BMPR2: variants seen among roughly 807,000 people sequenced by gnomAD.
BMPR2 encodes the protein bone morphogenetic protein receptor type 2.
Under a neutral mutation model 100.8 loss-of-function variants are expected in BMPR2, and 29 were observed. The ratio of observed to expected loss-of-function variants is 0.29; its 90% CI spans 0.21 to 0.39. The LOEUF is 0.39. Among genes scored for constraint, BMPR2 ranks in the 10% least tolerant of loss-of-function variants. BMPR2 has a pLI of 1.00. For synonymous variants in BMPR2, 382 were observed against 442.3 expected (o/e 0.86, Z 1.71); for missense variants, 1,011 against 1,274.5 (o/e 0.79, Z 3.15).
chr2:202,385,778 T>C (rs1459390518), intron 1 of BMPR2, among the ~76,000 whole-genome samples: 1 of 152,046 alleles, frequency 6.6e-6, no homozygotes. Context: ...TCTTAATAAC[T>C]ATCATTTTTT....
intron 3 of BMPR2, among the ~76,000 whole-genome samples, chr2:202,485,066 A>G (rs1692746114): frequency 6.6e-6 from 1 of 151,828 alleles, no homozygotes; most frequent in East Asian, 1.9e-4. Context: ...GGCTCAAGCA[A>G]TCCTCCCGAC....
At chr2:202,396,689 T>G (rs1308720495) in intron 1 of BMPR2, among the ~76,000 whole-genome samples, 5 of 152,230 alleles carry the variant, frequency 3.3e-5, no homozygotes, top group Admixed American at 1.3e-4. Context: ...GTGATATACA[T>G]GGTACATCAG....
chr2:202,446,090 A>G lies in BMPR2; in HGVS notation c.77-18719A>G, dbSNP rs368066732. Among the ~76,000 whole-genome samples the G allele has an allele frequency of 1.2e-4, 18 of 150,614 alleles. No homozygotes were observed. The East Asian group carries it at 2.5e-3, about 21-fold the overall frequency. On this transcript the variant is annotated intron_variant, in intron 1 of 12. Coordinates refer to ENST00000374580, the MANE Select transcript of BMPR2 (RefSeq NM_001204.7). The stretch of plus-strand genomic sequence containing the variant: ...CGCCCGGCCACAAACAATTTTATAC[A>G]AAGAATTTGAAATTTGAAAATTAAC...
chr2:202,477,184 C>T (rs1184691481), intron 3 of BMPR2, among the ~76,000 whole-genome samples: 1 of 152,112 alleles, frequency 6.6e-6, no homozygotes, highest in African/African-American at 2.4e-5. Context: ...TTAGATTAAA[C>T]AAGATAATAC....
intron 1 of BMPR2, among the ~76,000 whole-genome samples, chr2:202,460,238 G>A (rs559660501): frequency 2.0e-5 from 3 of 152,124 alleles, no homozygotes; most frequent in Non-Finnish European, 2.9e-5. Flanking sequence ...TAACAAAGAC[G>A]TAGAATCAAT....
At chr2:202,494,375 G>A (rs759268150) in intron 3 of BMPR2, among the ~76,000 whole-genome samples, 21 of 152,204 alleles carry the variant, frequency 1.4e-4, no homozygotes, top group Non-Finnish European at 2.2e-4. Context: ...TGCTGCACAT[G>A]TTACAATGTT....
At chr2:202,483,663 T>C (rs932020155) in intron 3 of BMPR2, among the ~76,000 whole-genome samples, 1 of 152,166 alleles carries the variant, frequency 6.6e-6, no homozygotes, top group Non-Finnish European at 1.5e-5. Flanking sequence ...CCTCCCAAAG[T>C]GCTGGGATCT....
Position 202,376,551 on chromosome 2 carries a change from A to G in BMPR2, c.-924A>G, listed in dbSNP as rs1231549120. On this transcript the variant is annotated 5_prime_UTR_variant, in exon 1 of 13. Transcript: ENST00000374580. Reference sequence around the variant, plus strand: ...CGGCGGCGGCGGCGGCGGCGGCAGCAGCAGCGGCTTCCTCGGGGGGTTGTG... The same window carrying G: ...CGGCGGCGGCGGCGGCGGCGGCAGCGGCAGCGGCTTCCTCGGGGGGTTGTG... Among the ~76,000 whole-genome samples the G allele has an allele frequency of 4.8e-3, 617 of 127,596 alleles. 2 individuals carry two copies. Among genetic ancestry groups the G allele is most frequent in the African/African-American group, 0.015 (534 of 35,832 alleles). 83.7% of individuals were successfully genotyped at this position (127,596 alleles called of 152,430 possible).
intron 1 of BMPR2, among the ~76,000 whole-genome samples, chr2:202,439,492 C>T (rs1198582784): frequency 2.0e-5 from 3 of 149,166 alleles, no homozygotes; most frequent in Non-Finnish European, 4.4e-5. Flanking sequence ...TTGCAGAATA[C>T]AAGACCATGC....
chr2:202,436,314 C>G (rs1691614074), intron 1 of BMPR2, among the ~76,000 whole-genome samples: 1 of 149,718 alleles, frequency 6.7e-6, no homozygotes, highest in Non-Finnish European at 1.5e-5. Flanking sequence ...GGCATGATAG[C>G]CTGCGCCTGT....
At chr2:202,446,476 C>T (rs1461511475) in intron 1 of BMPR2, among the ~76,000 whole-genome samples, 1 of 150,398 alleles carries the variant, frequency 6.6e-6, no homozygotes. Flanking sequence ...TTTAGCTCTA[C>T]AATTTTATGT....
At chr2:202,535,577 C>T (rs970796642) in intron 9 of BMPR2, among the ~76,000 whole-genome samples, 6 of 151,022 alleles carry the variant, frequency 4.0e-5, no homozygotes, top group East Asian at 2.0e-4. Flanking sequence ...GGCGGCCGGG[C>T]GGAGACGCTC....
At chr2:202,418,276 A>G (rs1174701862) in intron 1 of BMPR2, among the ~76,000 whole-genome samples, 1 of 152,202 alleles carries the variant, frequency 6.6e-6, no homozygotes, top group Non-Finnish European at 1.5e-5. Context: ...GCCCAATATA[A>G]TAGCCAGAAC....
chr2:202,415,742 A>G (rs964067826), intron 1 of BMPR2, among the ~76,000 whole-genome samples: 1 of 152,188 alleles, frequency 6.6e-6, no homozygotes, highest in Admixed American at 6.5e-5. Context: ...TAAGCCCACC[A>G]TTGAGAACTA....
At position 202,550,709 on chromosome 2, in the gene BMPR2, A is replaced by G. The variant is rs1688461073; in HGVS notation, c.1414-2007A>G. ...TCCCAGCTACTCAGGAGGCTCATGT[A>G]GGAGGATTGCTTAGGTCCAGGAGTT... On this transcript the variant is annotated intron_variant, in intron 10 of 12. Coordinates refer to ENST00000374580, the MANE Select transcript of BMPR2 (RefSeq NM_001204.7). Among the ~76,000 whole-genome samples the G allele has an allele frequency of 2.6e-5, 4 of 152,104 alleles. No individual in the cohort carries two copies. In the South Asian group the frequency reaches 8.3e-4, roughly 32 times the overall value.
chr2:202,523,530 G>A (rs12472248), intron 7 of BMPR2, among the ~76,000 whole-genome samples: 15,412 of 152,238 alleles, frequency 0.1, 1,033 homozygotes, highest in Non-Finnish European at 0.14. Context: ...ATGGCCGGAC[G>A]TGGTGGATTA....
chr2:202,446,065 C>T (rs777228108), intron 1 of BMPR2, among the ~76,000 whole-genome samples: 3 of 150,584 alleles, frequency 2.0e-5, no homozygotes, highest in Non-Finnish European at 2.9e-5. Context: ...TAAGTCACTG[C>T]GCCCGGCCAC....
chr2:202,476,947 C>CAAA (rs35516927), intron 3 of BMPR2, among the ~76,000 whole-genome samples: 14 of 121,302 alleles, frequency 1.2e-4, no homozygotes, highest in South Asian at 5.4e-4. Flanking sequence ...AATCAACTGC[C>CAAA]AAAAAAAAAA....
chr2:202,446,698 C>T (rs1392525053), intron 1 of BMPR2, among the ~76,000 whole-genome samples: 1 of 148,814 alleles, frequency 6.7e-6, no homozygotes, highest in Non-Finnish European at 1.5e-5. Context: ...GTTGCTCAGG[C>T]TGGAGTGCAG....
Sources: allele counts gnomAD v4.1 joint callset (sites outside exome capture counted in the v4.1 genomes callset), GRCh38; gene constraint gnomAD v4.1.1; transcripts MANE v1.5; gene names NCBI Gene and HGNC (gene_info 2026-07-23, HGNC 2026-07-21).